The following LUZP2 variants were observed in gnomAD, a reference collection of about 807,000 sequenced individuals.
LUZP2 encodes leucine zipper protein 2.
A neutral mutation model predicts 51.6 loss-of-function variants in LUZP2; 52 were observed. The observed-to-expected ratio is 1.01, with a 90% CI of 0.81 to 1.27. LUZP2 has a LOEUF of 1.27. Ranked by LOEUF, LUZP2 falls within the 50% of genes most tolerant of loss-of-function variation. The probability of loss-of-function intolerance (pLI) is 0.00; values close to 1 mark genes in which losing one functional copy is unlikely to be tolerated. For synonymous variants in LUZP2, 154 were observed against 137.3 expected (o/e 1.12, Z -0.85); for missense variants, 436 against 395.4 (o/e 1.10, Z -0.87).
chr11:25,010,174 G>A (rs530651479), intron 9 of LUZP2, among the ~76,000 whole-genome samples: 17 of 152,158 alleles, frequency 1.1e-4, no homozygotes, highest in African/African-American at 3.6e-4. Flanking sequence ...TTAAATTCAA[G>A]CATATGCTGC....
chr11:24,502,816 A>G (rs1191545741), intron 1 of LUZP2, among the ~76,000 whole-genome samples: 1 of 152,212 alleles, frequency 6.6e-6, no homozygotes, highest in East Asian at 1.9e-4. Context: ...CCTAATTAAA[A>G]TGTAATTGCT....
At chr11:24,714,250 G>A (rs546719120) in intron 1 of LUZP2, among the ~76,000 whole-genome samples, 8 of 151,952 alleles carry the variant, frequency 5.3e-5, no homozygotes, top group Non-Finnish European at 1.0e-4. Flanking sequence ...CATGGCACAC[G>A]TATACCTATG....
At chr11:24,511,467 G>A (rs1466051199) in intron 1 of LUZP2, among the ~76,000 whole-genome samples, 1 of 152,018 alleles carries the variant, frequency 6.6e-6, no homozygotes, top group South Asian at 2.1e-4. Context: ...CAGCTTACAG[G>A]GATGGTAAAA....
At chr11:24,661,049 C>A (rs1404446060) in intron 1 of LUZP2, among the ~76,000 whole-genome samples, 1 of 152,032 alleles carries the variant, frequency 6.6e-6, no homozygotes, top group African/African-American at 2.4e-5. Flanking sequence ...GAAGCCATAT[C>A]GTTATGAAAG....
chr11:24,921,401 C>T (rs1338971945), intron 7 of LUZP2, among the ~76,000 whole-genome samples: 1 of 152,000 alleles, frequency 6.6e-6, no homozygotes, highest in Admixed American at 6.6e-5. Flanking sequence ...TGAGGGTCGC[C>T]ATGATGTTCT....
At chr11:25,023,388 G>C (rs1857395412) in intron 9 of LUZP2, among the ~76,000 whole-genome samples, 1 of 151,990 alleles carries the variant, frequency 6.6e-6, no homozygotes, top group Non-Finnish European at 1.5e-5. Flanking sequence ...TATGTGTCCA[G>C]GAATTTAACC....
chr11:24,709,248 G>T (rs1198019894), intron 1 of LUZP2, among the ~76,000 whole-genome samples: 3 of 152,072 alleles, frequency 2.0e-5, no homozygotes, highest in Admixed American at 6.6e-5. Context: ...CTACCAGTAA[G>T]GGAGAAGAAT....
intron 1 of LUZP2, among the ~76,000 whole-genome samples, chr11:24,602,168 G>GTA (rs1157321392): frequency 1.7e-4 from 13 of 77,726 alleles, no homozygotes; most frequent in Admixed American, 1.1e-3. Flanking sequence ...GTATATATGT[G>GTA]TATATATATG....
At chr11:24,561,828 A>AATAATAATG (rs148194595) in intron 1 of LUZP2, among the ~76,000 whole-genome samples, 4 of 151,090 alleles carry the variant, frequency 2.6e-5, no homozygotes, top group Admixed American at 1.3e-4. Flanking sequence ...TAATAATAAT[A>AATAATAATG]ATGATAATAA....
chr11:24,668,770 C>G (rs1856301031), intron 1 of LUZP2, among the ~76,000 whole-genome samples: 4 of 152,118 alleles, frequency 2.6e-5, no homozygotes, highest in Admixed American at 2.6e-4. Flanking sequence ...TCCTGAAACT[C>G]AACTTCTCTC....
chr11:24,611,182 C>CA lies in LUZP2; in HGVS notation c.62+113882dup, dbSNP rs1854105652. 6.6e-6 allele frequency among the ~76,000 whole-genome samples: 1 copy of CA among 151,478 alleles called. No homozygotes were observed. The highest frequency in any genetic ancestry group is 2.4e-5 in the African/African-American group (1 of 41,196). ...AGTTAAAATGTTTATATTATTCATT[C>CA]AAAAATAGTCAACTTTTACTTTGTG... On this transcript the variant is annotated intron_variant, in intron 1 of 11. Transcript: ENST00000336930. The surrounding 1 kb of genome is among the most constrained non-coding windows in gnomAD (Gnocchi z 4.6).
chr11:24,686,784 A>G (rs1372273883), intron 1 of LUZP2, among the ~76,000 whole-genome samples: 1 of 152,200 alleles, frequency 6.6e-6, no homozygotes, highest in African/African-American at 2.4e-5. Flanking sequence ...AATTTTTATT[A>G]ACTTACCTAT....
intron 1 of LUZP2, among the ~76,000 whole-genome samples, chr11:24,623,841 C>T (rs1004988519): frequency 6.6e-6 from 1 of 151,968 alleles, no homozygotes; most frequent in Non-Finnish European, 1.5e-5. Flanking sequence ...AGTGAGACCC[C>T]ATATCAAAAA....
intron 9 of LUZP2, among the ~76,000 whole-genome samples, chr11:25,049,737 T>G (rs1271659227): frequency 6.6e-6 from 1 of 151,332 alleles, no homozygotes; most frequent in Non-Finnish European, 1.5e-5. Flanking sequence ...CTAGAATCCT[T>G]AAAATAAAAT....
At chr11:24,967,843 A>C (rs2133891043) in intron 7 of LUZP2, among the ~76,000 whole-genome samples, 1 of 152,258 alleles carries the variant, frequency 6.6e-6, no homozygotes, top group South Asian at 2.1e-4. Context: ...CATATAGACT[A>C]TCTAGATATT....
chr11:25,019,580 G>A (rs1250616977), intron 9 of LUZP2, among the ~76,000 whole-genome samples: 2 of 152,040 alleles, frequency 1.3e-5, no homozygotes, highest in Admixed American at 6.6e-5. Flanking sequence ...AATAAAGTCT[G>A]CAAAGAAAAT....
chr11:24,822,885 C>T (rs537630729), intron 5 of LUZP2, among the ~76,000 whole-genome samples: 1 of 151,988 alleles, frequency 6.6e-6, no homozygotes, highest in Non-Finnish European at 1.5e-5. Flanking sequence ...AAATTTACAC[C>T]ACAAAATTCA....
At position 24,708,501 on chromosome 11, in the gene LUZP2, T is replaced by G. The variant is rs1029829936; in HGVS notation, c.63-20668T>G. 2.0e-5 allele frequency among the ~76,000 whole-genome samples: 3 copies of G among 152,244 alleles called. 1 individual carries two copies. In the South Asian group the frequency reaches 6.2e-4, roughly 32 times the overall value. On this transcript the variant is annotated intron_variant, in intron 1 of 11. Coordinates refer to ENST00000336930, the MANE Select transcript of LUZP2 (RefSeq NM_001009909.4). Reference sequence around the variant, plus strand: ...GCCCCGAAAAGCAGATTCTTCAGTTTTGGTTCAATTCAACTTATGCTGGCA... The same window carrying G: ...GCCCCGAAAAGCAGATTCTTCAGTTGTGGTTCAATTCAACTTATGCTGGCA...
At position 24,592,692 on chromosome 11, in the gene LUZP2, A is replaced by AG. The variant is rs758587811; in HGVS notation, c.62+95387_62+95388insG. ...GTAATGGATGTGTGTTGGAGAAAAG[A>AG]AAAAAAAAAAGCTTGTCTGAATGTC... On this transcript the variant is annotated intron_variant, in intron 1 of 11. Coordinates refer to ENST00000336930, the MANE Select transcript of LUZP2 (RefSeq NM_001009909.4). Among the ~76,000 whole-genome samples the AG allele has an allele frequency of 7.4e-3, 8 of 1,086 alleles. No individual in the cohort carries two copies. In the Non-Finnish European group the frequency reaches 0.18, roughly 24 times the overall value. 0.7% of individuals were successfully genotyped at this position (1,086 alleles called of 152,430 possible).
Sources: allele counts gnomAD v4.1 joint callset (sites outside exome capture counted in the v4.1 genomes callset), GRCh38; gene constraint gnomAD v4.1.1; non-coding constraint Gnocchi (gnomAD v3.1); transcripts MANE v1.5; gene names NCBI Gene and HGNC (gene_info 2026-07-23, HGNC 2026-07-21).